XKR6: variants seen among roughly 807,000 people sequenced by gnomAD.
XKR6 encodes the protein XK related 6, also known as XK-related protein 6.
A neutral mutation model predicts 56.7 loss-of-function variants in XKR6; 22 were observed. That is an observed-to-expected ratio of 0.39 (90% CI 0.28 to 0.55). The LOEUF is 0.55. Among genes scored for constraint, XKR6 ranks in the 20% least tolerant of loss-of-function variants. The probability of loss-of-function intolerance (pLI) is 0.66; values close to 1 mark genes in which losing one functional copy is unlikely to be tolerated. For synonymous variants in XKR6, 524 were observed against 387.8 expected, an observed-to-expected ratio of 1.35 and a Z score of -4.13; for missense variants, 852 against 889.0, an observed-to-expected ratio of 0.96 and a Z score of 0.53.
chr8:11,126,553 C>G (rs1799808889), intron 1 of XKR6, among the ~76,000 whole-genome samples: 1 of 152,092 alleles, frequency 6.6e-6, no homozygotes, highest in Non-Finnish European at 1.5e-5. Flanking sequence ...TATTACTTCT[C>G]AGCTTTGCAA....
intron 1 of XKR6, among the ~76,000 whole-genome samples, chr8:11,093,788 T>C (rs1047940507): frequency 6.6e-6 from 1 of 152,168 alleles, no homozygotes; most frequent in African/African-American, 2.4e-5. Context: ...GTAATTTTTT[T>C]TGTTTGTTTT....
At position 11,086,444 on chromosome 8, in the gene XKR6, G is replaced by A. The variant is rs896843523; in HGVS notation, c.764+114132C>T. Among the ~76,000 whole-genome samples, 19 of 152,154 alleles carry A rather than the reference G, an allele frequency of 1.2e-4. No homozygotes were observed. The East Asian group carries it at 1.4e-3, about 11-fold the overall frequency. On this transcript the variant is annotated intron_variant, in intron 1 of 2. Coordinates refer to ENST00000416569, the MANE Select transcript of XKR6 (RefSeq NM_173683.4). Reference sequence around the variant, plus strand: ...TTCAGCAGAGGTGGGCTTTCAACACGGAGACGCTCATCAGCCTCACACCTT... The same window carrying A: ...TTCAGCAGAGGTGGGCTTTCAACACAGAGACGCTCATCAGCCTCACACCTT...
chr8:10,911,975 T>G (rs1218660803), intron 2 of XKR6, among the ~76,000 whole-genome samples: 1 of 147,992 alleles, frequency 6.8e-6, no homozygotes, highest in African/African-American at 2.5e-5. Flanking sequence ...CACATATATA[T>G]GGAGAAAGAG....
rs552920491 is a variant in XKR6 at position 10,913,608 on chromosome 8, G to C, written c.961+11026C>G. Among the ~76,000 whole-genome samples, 16 of 152,338 alleles carry C rather than the reference G, an allele frequency of 1.1e-4. 1 individual carries two copies. Among genetic ancestry groups the C allele is most frequent in the Non-Finnish European group, 1.9e-4 (13 of 68,026 alleles). On this transcript the variant is annotated intron_variant, in intron 2 of 2. Transcript: ENST00000416569. ...CTCTGCGATAGAAGAGATCACCAGTGTTTACAAACACGATCACTGCAGCTC... is the reference window on the plus strand; with the variant it reads ...CTCTGCGATAGAAGAGATCACCAGTCTTTACAAACACGATCACTGCAGCTC...
chr8:11,051,679 A>C (rs186262005), intron 1 of XKR6, among the ~76,000 whole-genome samples: 4 of 152,010 alleles, frequency 2.6e-5, no homozygotes, highest in African/African-American at 9.7e-5. Flanking sequence ...ATACTAACTG[A>C]CTCCATTCAC....
intron 1 of XKR6, among the ~76,000 whole-genome samples, chr8:10,996,958 G>C (rs1464851530): frequency 1.3e-5 from 2 of 152,084 alleles, no homozygotes; most frequent in Non-Finnish European, 2.9e-5. Context: ...AATAGAGAGA[G>C]ACCCTGCGTT....
rs1024047625 is a variant in XKR6 at position 10,896,556 on chromosome 8, C to T, written c.*1396G>A. On this transcript the variant is annotated 3_prime_UTR_variant, in exon 3 of 3. Transcript: ENST00000416569. ...TATATACGTGTGCTATGGGCACACA[C>T]ACACATACACACACAAACACACACA... 1.3e-5 allele frequency: 2 copies of T among 152,628 alleles called. No individual in the cohort carries two copies. The highest frequency in any genetic ancestry group is 2.9e-5 in the Non-Finnish European group (2 of 68,042). The allele number at this position is 152,628 out of a possible 1,614,324, so 9.5% of individuals were successfully genotyped here.
chr8:11,166,377 T>A (rs1488672551), intron 1 of XKR6, among the ~76,000 whole-genome samples: 1 of 152,134 alleles, frequency 6.6e-6, no homozygotes, highest in African/African-American at 2.4e-5. Context: ...TCTGAAAGTT[T>A]GTTTCCCAGC....
intron 1 of XKR6, chr8:11,194,451 G>A (rs1009990314): frequency 6.6e-6 from 1 of 152,178 alleles, no homozygotes; most frequent in Non-Finnish European, 1.5e-5. Flanking sequence ...GTTAAATGAG[G>A]TTATATTTTC....
intron 1 of XKR6, among the ~76,000 whole-genome samples, chr8:10,967,233 G>A (rs773868256): frequency 2.0e-5 from 3 of 152,130 alleles, no homozygotes; most frequent in Admixed American, 6.5e-5. Context: ...TTGTGAAAGC[G>A]GTTCACTATG....
intron 2 of XKR6, among the ~76,000 whole-genome samples, chr8:10,912,706 T>TATAC (rs1800436678): frequency 7.1e-6 from 1 of 140,748 alleles, no homozygotes; most frequent in African/African-American, 2.8e-5. Context: ...TATATATATA[T>TATAC]ACACACATAG....
chr8:11,173,901 A>T (rs910686900), intron 1 of XKR6, among the ~76,000 whole-genome samples: 1 of 152,200 alleles, frequency 6.6e-6, no homozygotes, highest in Non-Finnish European at 1.5e-5. Context: ...GACGGGACAC[A>T]GTGGGAAAAA....
intron 1 of XKR6, among the ~76,000 whole-genome samples, chr8:11,168,868 G>A (rs973790725): frequency 2.0e-5 from 3 of 152,192 alleles, no homozygotes; most frequent in African/African-American, 7.2e-5. Context: ...TATAACCAGT[G>A]GGCTTCCAGG....
chr8:11,134,532 T>C (rs946466643), intron 1 of XKR6, among the ~76,000 whole-genome samples: 1 of 152,186 alleles, frequency 6.6e-6, no homozygotes, highest in African/African-American at 2.4e-5. Context: ...GTGGGTGCCA[T>C]ATGAATGTGT....
intron 1 of XKR6, chr8:11,137,034 A>G (rs1447129825): frequency 2.6e-5 from 4 of 152,698 alleles, no homozygotes; most frequent in African/African-American, 9.6e-5. Context: ...GGTAGAAGAC[A>G]CTATGTTGCT....
At chr8:10,962,813 G>C (rs922314495) in intron 1 of XKR6, among the ~76,000 whole-genome samples, 2 of 151,876 alleles carry the variant, frequency 1.3e-5, no homozygotes, top group African/African-American at 4.8e-5. Context: ...AGTAGAGATG[G>C]GGTCTCACCA....
chr8:11,076,096 A>G (rs1800267312), intron 1 of XKR6, among the ~76,000 whole-genome samples: 1 of 152,214 alleles, frequency 6.6e-6, no homozygotes, highest in African/African-American at 2.4e-5. Flanking sequence ...CGATGATAGT[A>G]TGCTGAAAGA....
At chr8:10,960,038 G>C (rs1802014413) in intron 1 of XKR6, among the ~76,000 whole-genome samples, 1 of 152,186 alleles carries the variant, frequency 6.6e-6, no homozygotes, top group African/African-American at 2.4e-5. Context: ...TTTGCACCTG[G>C]CACCTTGTGT....
intron 2 of XKR6, among the ~76,000 whole-genome samples, chr8:10,901,470 G>A (rs1032781266): frequency 2.0e-5 from 3 of 152,050 alleles, no homozygotes; most frequent in Non-Finnish European, 2.9e-5. Context: ...ACCACGCCTT[G>A]CTGAAATCAC....
Sources: allele counts gnomAD v4.1 joint callset (sites outside exome capture counted in the v4.1 genomes callset), GRCh38; gene constraint gnomAD v4.1.1; transcripts MANE v1.5; gene names NCBI Gene and HGNC (gene_info 2026-07-23, HGNC 2026-07-21).